Variants in PPP1CC observed in about 807,000 individuals in gnomAD.
The protein encoded by PPP1CC is serine/threonine-protein phosphatase PP1-gamma catalytic subunit.
In PPP1CC, 16 loss-of-function variants were observed where a neutral mutation model predicts 38.4. That is an observed-to-expected ratio of 0.42 (90% confidence interval 0.28 to 0.63). The LOEUF is 0.63. Ranked by LOEUF, PPP1CC falls within the 30% of genes least tolerant of loss-of-function variation. The pLI is 0.25. For missense variants in PPP1CC, 170 were observed against 391.3 expected (o/e 0.43, Z 4.77); for synonymous variants, 158 against 136.0 (o/e 1.16, Z -1.13).
In PPP1CC at chr12:110,720,912, C is replaced by T. The variant is rs2136536966; in HGVS notation, c.*164G>A. 1 of 533,804 alleles carries T rather than the reference C, an allele frequency of 1.9e-6. No individual in the cohort carries two copies. Among genetic ancestry groups the T allele is most frequent in the Non-Finnish European group, 3.3e-6 (1 of 299,462 alleles). The allele number at this position is 533,804 out of a possible 1,614,324, so 33.1% of individuals were successfully genotyped here. A position where few individuals can be genotyped will look rare whatever the true frequency, so the allele number is the denominator to read the frequency against. On this transcript the variant is annotated 3_prime_UTR_variant, in exon 7 of 7. Transcript: ENST00000335007. ...TTTGGAGTGAAGAGTCTTTCATTTGCTGTTATAACCAGCAAATGCCATTCA... is the reference window on the plus strand; with the variant it reads ...TTTGGAGTGAAGAGTCTTTCATTTGTTGTTATAACCAGCAAATGCCATTCA...
chr12:110,728,013 A>G (rs1305991158), intron 3 of PPP1CC, among the ~76,000 whole-genome samples: 6 of 152,222 alleles, frequency 3.9e-5, no homozygotes, highest in Non-Finnish European at 8.8e-5. Context: ...ATTAGGATAC[A>G]CGTCACAAAA....
Position 110,728,291 on chromosome 12 carries a change from C to T in PPP1CC, c.418+2238G>A, listed in dbSNP as rs541333946. Reference sequence around the variant, plus strand: ...GCGGGCGCCTGTAGTCCCAGCTACTCGGGAGGCTGAGGCAGGAGAATGGCG... The same window carrying T: ...GCGGGCGCCTGTAGTCCCAGCTACTTGGGAGGCTGAGGCAGGAGAATGGCG... On this transcript the variant is annotated intron_variant, in intron 3 of 6. Transcript: ENST00000335007. 2.6e-4 allele frequency among the ~76,000 whole-genome samples: 39 copies of T among 150,076 alleles called. No homozygotes were observed. The East Asian group carries it at 4.4e-3, about 17-fold the overall frequency.
intron 3 of PPP1CC, among the ~76,000 whole-genome samples, chr12:110,728,835 T>A (rs900394944): frequency 3.9e-5 from 6 of 152,138 alleles, no homozygotes; most frequent in African/African-American, 1.4e-4. Context: ...CAAGCAAACA[T>A]CCAGTTGTGG....
rs766674138 is a variant in PPP1CC, at chr12:110,722,139, A to G, written c.878T>C (p.Phe293Ser). ...MSVDETLMCS[F>S]QILKPAEKKK... The stretch of plus-strand genomic sequence containing the variant: ...CATGTTGAAAGCATGCTCTACCTGA[A>G]AAGAACACATTAGTGTTTCATCCAC... The change falls in exon 6 of 7, where the codon TTT becomes TCT. Residue 293 changes from phenylalanine (F) to serine (S), a missense_variant. Phe to Ser is a radical substitution (Grantham distance 155). Transcript: ENST00000335007. The surrounding 1 kb of genome is among the most constrained non-coding windows in gnomAD (Gnocchi z 5.4). The G allele has an allele frequency of 6.2e-7, 1 of 1,614,088 alleles. No individual in the cohort carries two copies. Among genetic ancestry groups the G allele is most frequent in the Admixed American group, 1.7e-5 (1 of 59,988 alleles).
downstream of PPP1CC, among the ~76,000 whole-genome samples, chr12:110,718,609 C>T (rs1347129316): frequency 1.3e-5 from 2 of 152,086 alleles, no homozygotes; most frequent in South Asian, 2.1e-4. Flanking sequence ...GAACTGGGAT[C>T]GATAAGATAA....
At chr12:110,710,160 G>A in the PPP1CC span, among the ~76,000 whole-genome samples, 1 of 151,790 alleles carries the variant, frequency 6.6e-6, no homozygotes, top group Non-Finnish European at 1.5e-5. Context: ...ATGTTAAAGT[G>A]AAATGAAAGA....
In PPP1CC at chr12:110,719,697, T is replaced by C. The variant is rs556072591; in HGVS notation, c.*1379A>G. 4.5e-5 allele frequency: 7 copies of C among 156,992 alleles called. No homozygotes were observed. The highest frequency in any genetic ancestry group is 1.7e-4 in the African/African-American group (7 of 41,654). The allele number at this position is 156,992 out of a possible 1,614,324, so 9.7% of individuals were successfully genotyped here. ...GGAGGATCGTTCCACCTCATCACTC[T>C]ATTACACAAATAGATGTCTCCAGGT... On this transcript the variant is annotated 3_prime_UTR_variant, in exon 7 of 7. Transcript: ENST00000335007.
intron 3 of PPP1CC, among the ~76,000 whole-genome samples, chr12:110,730,161 C>T (rs917207334): frequency 1.3e-5 from 2 of 152,244 alleles, no homozygotes; most frequent in African/African-American, 2.4e-5. Flanking sequence ...AGTTTCAGAT[C>T]AGCTTGGGCA....
intron 1 of PPP1CC, among the ~76,000 whole-genome samples, chr12:110,736,110 A>G (rs545890768): frequency 5.9e-5 from 9 of 152,116 alleles, no homozygotes; most frequent in Non-Finnish European, 1.2e-4. Context: ...ACAAACAAAC[A>G]AACAACAACA....
At position 110,722,706 on chromosome 12, in the gene PPP1CC, A is replaced by T; in HGVS notation, c.524-11T>A. 1 of 1,569,204 alleles carries T rather than the reference A, an allele frequency of 6.4e-7. No homozygotes were observed. The highest frequency in any genetic ancestry group is 1.2e-5 in the South Asian group (1 of 85,154). On this transcript the variant is annotated splice_polypyrimidine_tract_variant and intron_variant, in intron 4 of 6. Coordinates refer to ENST00000335007, the MANE Select transcript of PPP1CC (RefSeq NM_002710.4). The surrounding 1 kb of genome is among the most constrained non-coding windows in gnomAD (Gnocchi z 5.4). ...GATCTGGTGATAAACCTATTCAATG[A>T]GGAAAAAAAAAAAATGAAGAAAGCA...
the PPP1CC span, among the ~76,000 whole-genome samples, chr12:110,714,183 T>C: frequency 3.9e-5 from 6 of 152,194 alleles, no homozygotes; most frequent in East Asian, 9.6e-4. Flanking sequence ...AATAAAAGTA[T>C]AAAAACACAG....
At chr12:110,721,209 C>T (rs1172322530) in intron 6 of PPP1CC, 44 bp from the exon 7 acceptor site, 3 of 1,531,254 alleles carry the variant, frequency 2.0e-6, no homozygotes, top group African/African-American at 1.4e-5. Flanking sequence ...ATACTCAACC[C>T]CAAATCTTAA....
At chr12:110,717,626 G>C (rs1407303782), downstream of PPP1CC, among the ~76,000 whole-genome samples, 1 of 151,994 alleles carries the variant, frequency 6.6e-6, no homozygotes, top group African/African-American at 2.4e-5. Flanking sequence ...TCGATCTCCT[G>C]ACCTTGTAAT....
At chr12:110,728,315 C>T (rs1336873329) in intron 3 of PPP1CC, among the ~76,000 whole-genome samples, 1 of 150,088 alleles carries the variant, frequency 6.7e-6, no homozygotes, top group East Asian at 2.0e-4. Context: ...AGGAGAATGG[C>T]GTGAACCCAG....
intron 1 of PPP1CC, among the ~76,000 whole-genome samples, chr12:110,733,448 C>A (rs548907676): frequency 6.6e-6 from 1 of 152,216 alleles, no homozygotes; most frequent in African/African-American, 2.4e-5. Context: ...TTAGTCAATG[C>A]CATCAGATGA....
the PPP1CC span, among the ~76,000 whole-genome samples, chr12:110,712,468 C>T: frequency 6.6e-6 from 1 of 150,498 alleles, no homozygotes; most frequent in African/African-American, 2.5e-5. Flanking sequence ...GGTGAAAACC[C>T]GTCTCAACTA....
At chr12:110,738,074 T>C (rs1002724813) in intron 1 of PPP1CC, among the ~76,000 whole-genome samples, 2 of 152,234 alleles carry the variant, frequency 1.3e-5, no homozygotes, top group African/African-American at 4.8e-5. Flanking sequence ...TAAGAACACA[T>C]TTCGGTAATA....
In PPP1CC at chr12:110,730,852, T is replaced by C; in HGVS notation, c.188-93A>G. The C allele has an allele frequency of 3.7e-6, 3 of 810,044 alleles. 1 individual carries two copies. The South Asian group carries it at 5.5e-5, about 15-fold the overall frequency. The allele number at this position is 810,044 out of a possible 1,614,324, so 50.2% of individuals were successfully genotyped here. A position where few individuals can be genotyped will look rare whatever the true frequency, so the allele number is the denominator to read the frequency against. ...AAAGACATTCTTTAAATATTCATTG[T>C]ACAATGGCATTGACCTCTAGTAATG... On this transcript the variant is annotated intron_variant, in intron 2 of 6. Transcript: ENST00000335007.
chr12:110,710,444 T>C, the PPP1CC span, among the ~76,000 whole-genome samples: 4 of 151,774 alleles, frequency 2.6e-5, no homozygotes, highest in Admixed American at 1.3e-4. Context: ...TTAGGCTGGG[T>C]GCGGTGGCTC....
Sources: allele counts gnomAD v4.1 joint callset (sites outside exome capture counted in the v4.1 genomes callset), GRCh38; gene constraint gnomAD v4.1.1; non-coding constraint Gnocchi (gnomAD v3.1); transcripts MANE v1.5; gene names NCBI Gene and HGNC (gene_info 2026-07-23, HGNC 2026-07-21).